The following SEC22A variants were observed in gnomAD, a reference collection of about 807,000 sequenced individuals.
SEC22A encodes the protein vesicle-trafficking protein SEC22a.
SEC22A carries 22 observed loss-of-function variants against 35.3 expected under a neutral mutation model. The observed-to-expected ratio is 0.62, with a 90% confidence interval of 0.45 to 0.89. SEC22A has a LOEUF of 0.89. Ranked by LOEUF, SEC22A falls within the 40% of genes least tolerant of loss-of-function variation. The pLI, the probability that SEC22A is intolerant of heterozygous loss-of-function variation, is 0.00. For missense variants in SEC22A, 354 were observed against 362.5 expected, an observed-to-expected ratio of 0.98 and a Z score of 0.19; for synonymous variants, 119 against 129.5, an observed-to-expected ratio of 0.92 and a Z score of 0.55.
intron 2 of SEC22A, among the ~76,000 whole-genome samples, chr3:123,221,563 C>A (rs1002258078): frequency 5.9e-5 from 9 of 151,482 alleles, no homozygotes; most frequent in African/African-American, 2.2e-4. Context: ...TGTTTACTGC[C>A]CCTGATCTAG....
intron 4 of SEC22A, 146 bp downstream of exon 4, chr3:123,225,443 A>G (rs1937203677): frequency 4.3e-6 from 2 of 465,078 alleles, no homozygotes; most frequent in Non-Finnish European, 7.3e-6. Context: ...TCAGTGATTT[A>G]TAAAGTAAGC....
chr3:123,269,375 A>G (rs551284646), intron 6 of SEC22A, among the ~76,000 whole-genome samples: 2 of 152,320 alleles, frequency 1.3e-5, no homozygotes, highest in East Asian at 1.9e-4. Context: ...GAGCAAAAGT[A>G]TGATGAGATA....
chr3:123,224,671 G>A (rs1284126065), intron 3 of SEC22A, among the ~76,000 whole-genome samples: 1 of 152,086 alleles, frequency 6.6e-6, no homozygotes, highest in Admixed American at 6.6e-5. Context: ...CACACCAGTA[G>A]CCCCAGCTGC....
chr3:123,249,669 T>C (rs9819798), intron 5 of SEC22A, among the ~76,000 whole-genome samples: 86,864 of 151,836 alleles, frequency 0.57, 25,316 homozygotes, highest in Non-Finnish European at 0.61. Flanking sequence ...GGATTACAGA[T>C]GTGCATCACC....
At chr3:123,258,804 ACTTTAT>A (rs1937804545) in intron 5 of SEC22A, among the ~76,000 whole-genome samples, 1 of 152,212 alleles carries the variant, frequency 6.6e-6, no homozygotes, top group South Asian at 2.1e-4. Context: ...TCCTGCCCGA[ACTTTAT>A]CTTTTACTGT....
At chr3:123,223,780 T>G in intron 3 of SEC22A, 58 bp downstream of exon 3, 13 of 1,273,184 alleles carry the variant, frequency 1.0e-5, no homozygotes, top group Middle Eastern at 3.8e-4. Context: ...ATAAGCAATT[T>G]TAAATCTAAT....
chr3:123,220,847 A>T lies in SEC22A; in HGVS notation c.183-2712A>T, dbSNP rs529446822. Among the ~76,000 whole-genome samples the T allele has an allele frequency of 5.9e-5, 7 of 117,702 alleles. No individual in the cohort carries two copies. In the South Asian group the frequency reaches 1.8e-3, roughly 31 times the overall value. The allele number at this position is 117,702 out of a possible 152,430, so 77.2% of individuals were successfully genotyped here. A position where few individuals can be genotyped will look rare whatever the true frequency, so the allele number is the denominator to read the frequency against. ...TGGCAAGCCCATTTGGCTGCCTAGG[A>T]TGGTCTTTAAAAAAGGTCTCATATA... On this transcript the variant is annotated intron_variant, in intron 2 of 6. Coordinates refer to ENST00000492595, the MANE Select transcript of SEC22A (RefSeq NM_012430.5).
chr3:123,243,467 A>G (rs1248257643), intron 4 of SEC22A, among the ~76,000 whole-genome samples: 1 of 152,120 alleles, frequency 6.6e-6, no homozygotes, highest in Non-Finnish European at 1.5e-5. Context: ...TCTGCGTGGA[A>G]TGCATTTCTT....
chr3:123,218,037 C>G (rs778186033), intron 2 of SEC22A, among the ~76,000 whole-genome samples: 2 of 152,170 alleles, frequency 1.3e-5, no homozygotes, highest in Non-Finnish European at 2.9e-5. Flanking sequence ...GTTTGTAAAT[C>G]AAATTAGATA....
Position 123,269,213 on chromosome 3 carries a change from GTGTA to G in SEC22A, c.724-2307_724-2304del, listed in dbSNP as rs1171139273. Among the ~76,000 whole-genome samples the G allele has an allele frequency of 3.2e-4, 26 of 81,034 alleles. No individual in the cohort carries two copies. The East Asian group carries it at 5.1e-3, about 16-fold the overall frequency. 53.2% of individuals were successfully genotyped at this position (81,034 alleles called of 152,430 possible). On this transcript the variant is annotated intron_variant, in intron 6 of 6. Coordinates refer to ENST00000492595, the MANE Select transcript of SEC22A (RefSeq NM_012430.5). ...TGTGTGTGTGTGTGTGTGTGTGTGTGTGTATATATTACTGGAAATGCTAGCTCAT... is the reference window on the plus strand; with the variant it reads ...TGTGTGTGTGTGTGTGTGTGTGTGTGTATATTACTGGAAATGCTAGCTCAT...
chr3:123,251,180 C>T (rs1937609606), intron 5 of SEC22A, among the ~76,000 whole-genome samples: 1 of 152,112 alleles, frequency 6.6e-6, no homozygotes, highest in Admixed American at 6.5e-5. Context: ...TCCCTAGAAA[C>T]TTAAAGAGAT....
chr3:123,206,957 G>A (rs566053822), intron 1 of SEC22A, among the ~76,000 whole-genome samples: 7 of 152,244 alleles, frequency 4.6e-5, no homozygotes, highest in African/African-American at 1.2e-4. Context: ...GTGTTGTGGC[G>A]CATGCCTGTA....
chr3:123,269,373 G>A (rs9849831), intron 6 of SEC22A, among the ~76,000 whole-genome samples: 29,812 of 151,890 alleles, frequency 0.2, 3,036 homozygotes, highest in Middle Eastern at 0.27. Flanking sequence ...ATGAGCAAAA[G>A]TATGATGAGA....
In SEC22A at chr3:123,220,867, C is replaced by CATATATAT. The variant is rs563341393; in HGVS notation, c.183-2686_183-2679dup. Among the ~76,000 whole-genome samples, 510 of 97,504 alleles carry CATATATAT rather than the reference C, an allele frequency of 5.2e-3. 23 individuals are homozygous for CATATATAT. Among genetic ancestry groups the CATATATAT allele is most frequent in the African/African-American group, 0.016 (445 of 27,544 alleles). The allele number at this position is 97,504 out of a possible 152,430, so 64.0% of individuals were successfully genotyped here. On this transcript the variant is annotated intron_variant, in intron 2 of 6. Coordinates refer to ENST00000492595, the MANE Select transcript of SEC22A (RefSeq NM_012430.5). ...CTAGGATGGTCTTTAAAAAAGGTCT[C>CATATATAT]ATATATATATATACATATATATATA...
rs183586956 is a variant in SEC22A at position 123,256,527 on chromosome 3, G to C, written c.658-2997G>C. On this transcript the variant is annotated intron_variant, in intron 5 of 6. Coordinates refer to ENST00000492595, the MANE Select transcript of SEC22A (RefSeq NM_012430.5). ...GATTCTCTTCCTACCTTGCCTACCT[G>C]GTTCAGCCTTTAAGACCCAGTTTAA... Among the ~76,000 whole-genome samples the C allele has an allele frequency of 1.6e-4, 24 of 152,138 alleles. No individual in the cohort carries two copies. The East Asian group carries it at 3.5e-3, about 22-fold the overall frequency.
chr3:123,261,758 A>C (rs912298059), intron 6 of SEC22A, among the ~76,000 whole-genome samples: 1 of 152,184 alleles, frequency 6.6e-6, no homozygotes, highest in Non-Finnish European at 1.5e-5. Flanking sequence ...ATACCATTAT[A>C]TCGTCCTCAC....
chr3:123,240,469 A>G (rs1255695519), intron 4 of SEC22A, among the ~76,000 whole-genome samples: 1 of 152,112 alleles, frequency 6.6e-6, no homozygotes, highest in Non-Finnish European at 1.5e-5. Flanking sequence ...TGTCTCAGTA[A>G]TTTGTTCCTT....
At position 123,251,232 on chromosome 3, in the gene SEC22A, A is replaced by G. The variant is rs140154567; in HGVS notation, c.657+5218A>G. ...TTATTTAAAACAGTTCGTCACAACT[A>G]TGGTGGTGGAGTGTGAAAGAAGCAT... On this transcript the variant is annotated intron_variant, in intron 5 of 6. Transcript: ENST00000492595. Among the ~76,000 whole-genome samples, 212 of 152,336 alleles carry G rather than the reference A, an allele frequency of 1.4e-3. No individual in the cohort carries two copies. The East Asian group carries it at 0.018, about 13-fold the overall frequency.
intron 5 of SEC22A, among the ~76,000 whole-genome samples, chr3:123,256,762 T>C (rs1407089786): frequency 1.4e-5 from 2 of 146,896 alleles, no homozygotes; most frequent in Admixed American, 6.8e-5. Context: ...TCTTTCCTTT[T>C]TTTTTTTTTT....
Sources: allele counts gnomAD v4.1 joint callset (sites outside exome capture counted in the v4.1 genomes callset), GRCh38; gene constraint gnomAD v4.1.1; transcripts MANE v1.5; gene names NCBI Gene and HGNC (gene_info 2026-07-23, HGNC 2026-07-21).